NFATC2: variants seen among roughly 807,000 people sequenced by gnomAD.
NFATC2 encodes the protein nuclear factor of activated T cells 2.
In NFATC2, 22 loss-of-function variants were observed where a neutral mutation model predicts 87.3. The observed-to-expected ratio is 0.25, with a 90% CI of 0.18 to 0.36. The LOEUF (loss-of-function observed/expected upper bound fraction) is 0.36, where lower values mean the gene tolerates loss of function less well. Among genes scored for constraint, NFATC2 ranks in the 10% least tolerant of loss-of-function variants. NFATC2 has a pLI of 1.00. For synonymous variants in NFATC2, 565 were observed against 542.2 expected, an observed-to-expected ratio of 1.04 and a Z score of -0.58; for missense variants, 1,149 against 1,259.1, an observed-to-expected ratio of 0.91 and a Z score of 1.32.
At chr20:51,415,856 T>C (rs561799618) in intron 9 of NFATC2, among the ~76,000 whole-genome samples, 1 of 152,240 alleles carries the variant, frequency 6.6e-6, no homozygotes, top group African/African-American at 2.4e-5. Flanking sequence ...GTTGTCAGTC[T>C]CACAGGAGGA....
chr20:51,469,208 G>A (rs1398124533), intron 5 of NFATC2, among the ~76,000 whole-genome samples: 1 of 152,052 alleles, frequency 6.6e-6, no homozygotes, highest in East Asian at 1.9e-4. Context: ...GTAGAGATGG[G>A]TTTTCACCAT....
chr20:51,409,603 G>A (rs191373851), intron 9 of NFATC2, among the ~76,000 whole-genome samples: 1 of 152,182 alleles, frequency 6.6e-6, no homozygotes, highest in Non-Finnish European at 1.5e-5. Flanking sequence ...GCCTCCTGAC[G>A]GAGGAACACG....
chr20:51,426,006 C>T (rs889040023), intron 9 of NFATC2, among the ~76,000 whole-genome samples: 6 of 152,116 alleles, frequency 3.9e-5, no homozygotes, highest in South Asian at 2.1e-4. Flanking sequence ...CTGGAGGAAG[C>T]GGGGGGAGGG....
intron 5 of NFATC2, among the ~76,000 whole-genome samples, chr20:51,472,619 CTTCT>C (rs1322957186): frequency 7.2e-6 from 1 of 138,684 alleles, no homozygotes; most frequent in Admixed American, 7.2e-5. Context: ...TTATTTTTTT[CTTCT>C]TTCTTCTTTT....
intron 10 of NFATC2, among the ~76,000 whole-genome samples, chr20:51,394,882 C>A (rs573678104): frequency 6.6e-6 from 1 of 152,206 alleles, no homozygotes; most frequent in African/African-American, 2.4e-5. Context: ...CTGGAAGCCG[C>A]CCCACATTCC....
At chr20:51,431,994 G>T in intron 9 of NFATC2, 73 bp downstream of exon 9, 1 of 1,425,490 alleles carries the variant, frequency 7.0e-7, no homozygotes, top group Non-Finnish European at 9.4e-7. Flanking sequence ...CGTAGGCCAT[G>T]CAGTGAACTT....
Position 51,460,603 on chromosome 20 carries a change from T to C in NFATC2, c.1709-5915A>G, listed in dbSNP as rs577461760. Among the ~76,000 whole-genome samples, 3 of 151,252 alleles carry C rather than the reference T, an allele frequency of 2.0e-5. No homozygotes were observed. The South Asian group carries it at 6.4e-4, about 32-fold the overall frequency. On this transcript the variant is annotated intron_variant, in intron 5 of 10. Transcript: ENST00000371564. ...GTCACCTCTGTGGTCACTGCTGTTCTCGGTGAATCCTGAGCCATAACCCAG... is the reference window on the plus strand; with the variant it reads ...GTCACCTCTGTGGTCACTGCTGTTCCCGGTGAATCCTGAGCCATAACCCAG...
rs1404503267 is a variant in NFATC2, at chr20:51,542,602, G to T, written c.-103C>A. ...TGGCGGAGGCGGCTCGAGCGGCGGGGTCCCTTTCCTCGTAGGGACGCACGC... is the reference window on the plus strand; with the variant it reads ...TGGCGGAGGCGGCTCGAGCGGCGGGTTCCCTTTCCTCGTAGGGACGCACGC... On this transcript the variant is annotated 5_prime_UTR_variant, in exon 1 of 11. Transcript: ENST00000371564. 1.6e-6 allele frequency: 2 copies of T among 1,234,600 alleles called. No individual in the cohort carries two copies. Among genetic ancestry groups the T allele is most frequent in the Non-Finnish European group, 2.0e-6 (2 of 984,502 alleles). 76.5% of individuals were successfully genotyped at this position (1,234,600 alleles called of 1,614,324 possible).
intron 6 of NFATC2, among the ~76,000 whole-genome samples, chr20:51,442,510 C>T (rs1984488859): frequency 6.6e-6 from 1 of 152,058 alleles, no homozygotes. Flanking sequence ...CCGCATGATG[C>T]CGCTTTGTAA....
At chr20:51,435,460 A>G in intron 7 of NFATC2, 146 bp from the exon 8 acceptor site, 1 of 1,264,878 alleles carries the variant, frequency 7.9e-7, no homozygotes, top group Non-Finnish European at 1.1e-6. Flanking sequence ...TTTCAGGGGA[A>G]TTTAACTTGT....
At chr20:51,505,341 A>G (rs2076161086) in intron 3 of NFATC2, among the ~76,000 whole-genome samples, 1 of 152,002 alleles carries the variant, frequency 6.6e-6, no homozygotes, top group Non-Finnish European at 1.5e-5. Context: ...TTTTAAAAAA[A>G]TGAATACACA....
intron 9 of NFATC2, among the ~76,000 whole-genome samples, chr20:51,415,756 A>G (rs894595781): frequency 2.0e-5 from 3 of 152,178 alleles, no homozygotes; most frequent in Non-Finnish European, 4.4e-5. Flanking sequence ...GACTGAGAGG[A>G]CATGTTTCAC....
At chr20:51,514,316 T>A (rs1342134824) in intron 3 of NFATC2, among the ~76,000 whole-genome samples, 1 of 152,220 alleles carries the variant, frequency 6.6e-6, no homozygotes, top group African/African-American at 2.4e-5. Context: ...TTCTCTCTCC[T>A]TAAGACTTAA....
At chr20:51,545,378 G>A (rs2076880502), upstream of NFATC2, among the ~76,000 whole-genome samples, 1 of 152,164 alleles carries the variant, frequency 6.6e-6, no homozygotes, top group African/African-American at 2.4e-5. Flanking sequence ...CAACCCAGCT[G>A]CCCCACCTTC....
At chr20:51,495,669 A>G (rs886294447) in intron 3 of NFATC2, among the ~76,000 whole-genome samples, 1 of 151,816 alleles carries the variant, frequency 6.6e-6, no homozygotes, top group African/African-American at 2.4e-5. Context: ...AAATTGACTC[A>G]CTCCCTCTTA....
At chr20:51,445,172 T>C (rs1984894913) in intron 6 of NFATC2, among the ~76,000 whole-genome samples, 1 of 152,170 alleles carries the variant, frequency 6.6e-6, no homozygotes, top group East Asian at 1.9e-4. Flanking sequence ...CTCCTTGCCA[T>C]GACTGCAGGG....
chr20:51,517,011 G>A, intron 2 of NFATC2, 56 bp from the exon 3 acceptor site: 1 of 1,528,768 alleles, frequency 6.5e-7, no homozygotes. Flanking sequence ...TAGTCAACTT[G>A]TACAATAATT....
chr20:51,519,739 C>A (rs1214649626), intron 2 of NFATC2, among the ~76,000 whole-genome samples: 1 of 115,660 alleles, frequency 8.6e-6, no homozygotes, highest in East Asian at 2.5e-4. Flanking sequence ...CATGGTGAAA[C>A]CCCATCTCTA....
At chr20:51,541,085 A>G (rs2076808906) in intron 1 of NFATC2, among the ~76,000 whole-genome samples, 1 of 152,186 alleles carries the variant, frequency 6.6e-6, no homozygotes, top group Admixed American at 6.5e-5. Context: ...ATCCAAGGGA[A>G]GAGGATACCC....
Sources: gnomAD v4.1 joint callset for allele counts (sites outside exome capture counted in the v4.1 genomes callset) on GRCh38, gnomAD v4.1.1 for gene constraint, MANE v1.5 for transcripts, NCBI Gene and HGNC (gene_info 2026-07-23, HGNC 2026-07-21) for gene names.